Variants in XXYLT1 observed in about 807,000 individuals in gnomAD.
The protein encoded by XXYLT1 is xyloside xylosyltransferase 1.
In XXYLT1, 20 loss-of-function variants were observed where a neutral mutation model predicts 28.9. That is an observed-to-expected ratio of 0.69 (90% CI 0.49 to 1.00). XXYLT1 has a LOEUF of 1.00. Ranked by LOEUF, XXYLT1 falls within the 50% of genes least tolerant of loss-of-function variation. The probability of loss-of-function intolerance (pLI) is 0.00; values close to 1 mark genes in which losing one functional copy is unlikely to be tolerated. For missense variants in XXYLT1, 542 were observed against 560.1 expected (o/e 0.97, Z 0.33); for synonymous variants, 257 against 253.8 (o/e 1.01, Z -0.12).
chr3:195,205,249 G>A (rs1328778934), intron 2 of XXYLT1, among the ~76,000 whole-genome samples: 3 of 152,196 alleles, frequency 2.0e-5, no homozygotes, highest in Non-Finnish European at 2.9e-5. Context: ...CATACTAGCC[G>A]CAAACTGGGG....
At chr3:195,073,318 G>T (rs905634808) in intron 3 of XXYLT1, among the ~76,000 whole-genome samples, 2 of 152,338 alleles carry the variant, frequency 1.3e-5, no homozygotes, top group Non-Finnish European at 2.9e-5. Context: ...GCAGGGCAGT[G>T]AGTGTCCCAG....
At chr3:195,200,650 T>TCTAG (rs1179992430) in intron 2 of XXYLT1, among the ~76,000 whole-genome samples, 2 of 152,168 alleles carry the variant, frequency 1.3e-5, no homozygotes, top group African/African-American at 4.8e-5. Flanking sequence ...AGGGCAGGAA[T>TCTAG]CTAGGACTAT....
At chr3:195,258,176 C>G (rs1725548044) in intron 1 of XXYLT1, among the ~76,000 whole-genome samples, 1 of 152,192 alleles carries the variant, frequency 6.6e-6, no homozygotes, top group Admixed American at 6.5e-5. Flanking sequence ...CTGGCAAAAG[C>G]AGGGCCACCT....
intron 3 of XXYLT1, among the ~76,000 whole-genome samples, chr3:195,070,489 A>G (rs1343920184): frequency 1.3e-5 from 2 of 152,176 alleles, no homozygotes; most frequent in Admixed American, 6.5e-5. Context: ...GTATTTGCCC[A>G]AAGTCACACA....
chr3:195,149,899 G>T (rs62290356), intron 3 of XXYLT1, among the ~76,000 whole-genome samples: 1 of 152,126 alleles, frequency 6.6e-6, no homozygotes, highest in African/African-American at 2.4e-5. Context: ...AGCTAGCTGC[G>T]AGGAAGCCGG....
intron 3 of XXYLT1, among the ~76,000 whole-genome samples, chr3:195,118,855 C>T (rs9825174): frequency 0.52 from 78,427 of 152,068 alleles, 20,989 homozygotes; most frequent in Middle Eastern, 0.56. Context: ...ACTTTCGAAA[C>T]GTAGTTCCCT....
Position 195,270,977 on chromosome 3 carries a change from G to A in XXYLT1, c.82C>T (p.Leu28=). The part of the protein sequence containing the change: ...GAVRSHYCAL[L]LAAALAVCAF... ...CAGACGGCCAGCGCCGCGGCCAGCA[G>A]CAGGGCGCAGTAGTGGGAGCGCACA... The change falls in exon 1 of 4, where the codon CTG becomes TTG. Residue 28 remains leucine (L), a synonymous_variant. Coordinates refer to ENST00000310380, the MANE Select transcript of XXYLT1 (RefSeq NM_152531.5). 6.7e-7 allele frequency: 1 copy of A among 1,486,506 alleles called. No individual in the cohort carries two copies. Among genetic ancestry groups the A allele is most frequent in the Non-Finnish European group, 8.9e-7 (1 of 1,121,884 alleles). 92.1% of individuals were successfully genotyped at this position (1,486,506 alleles called of 1,614,324 possible).
At chr3:195,110,150 CTG>C (rs796630048) in intron 3 of XXYLT1, among the ~76,000 whole-genome samples, 5,199 of 22,614 alleles carry the variant, frequency 0.23, 1,601 homozygotes, top group African/African-American at 0.5. Context: ...TGTGTGGTGT[CTG>C]TGTGTTGTGT....
chr3:195,170,150 G>A (rs930169133), intron 2 of XXYLT1, among the ~76,000 whole-genome samples: 6 of 151,874 alleles, frequency 4.0e-5, no homozygotes, highest in African/African-American at 7.3e-5. Flanking sequence ...ACGCCTGGCC[G>A]TTAATGTATA....
intron 3 of XXYLT1, among the ~76,000 whole-genome samples, chr3:195,143,992 T>A (rs1719697886): frequency 6.7e-6 from 1 of 148,322 alleles, no homozygotes; most frequent in Non-Finnish European, 1.5e-5. Flanking sequence ...GCTTCCAGGT[T>A]CAAGCAATTC....
At chr3:195,093,990 A>T (rs73056512) in intron 3 of XXYLT1, 6,261 of 153,612 alleles carry the variant, frequency 0.041, 215 homozygotes, top group East Asian at 0.2. Context: ...AGTCAAGGGG[A>T]GAGTGTCAGC....
At chr3:195,088,045 G>A (rs563134472) in intron 3 of XXYLT1, among the ~76,000 whole-genome samples, 26 of 152,088 alleles carry the variant, frequency 1.7e-4, no homozygotes, top group Non-Finnish European at 2.5e-4. Context: ...ACCCCACGGA[G>A]TCTCGCTGAT....
At chr3:195,249,403 G>A (rs576093706) in intron 1 of XXYLT1, among the ~76,000 whole-genome samples, 9 of 152,260 alleles carry the variant, frequency 5.9e-5, no homozygotes, top group South Asian at 2.1e-4. Flanking sequence ...ATGGCCACGC[G>A]GCTCACACCA....
intron 3 of XXYLT1, among the ~76,000 whole-genome samples, chr3:195,089,514 C>T (rs928760097): frequency 1.1e-4 from 17 of 152,118 alleles, no homozygotes; most frequent in East Asian, 3.9e-4. Flanking sequence ...CCTAAAAGAG[C>T]TCCTGAAGGA....
chr3:195,172,133 A>AT (rs1347190889), intron 2 of XXYLT1, among the ~76,000 whole-genome samples: 2 of 152,158 alleles, frequency 1.3e-5, no homozygotes, highest in African/African-American at 4.8e-5. Flanking sequence ...TTCCTTTAAC[A>AT]TTAACAAAAT....
rs1263473320 is a variant in XXYLT1 at position 195,115,509 on chromosome 3, A to ACACCACCTGGAGTGGTTTCTGCTTC, written c.785+40915_785+40939dup. Among the ~76,000 whole-genome samples the ACACCACCTGGAGTGGTTTCTGCTTC allele has an allele frequency of 3.3e-5, 5 of 152,214 alleles. No homozygotes were observed. The East Asian group carries it at 9.6e-4, about 29-fold the overall frequency. ...TTCCAACAAGAAACTCCTTCTGCTTACACCACCTGGAGTGGTTTCTGCTTC... is the reference window on the plus strand; with the variant it reads ...TTCCAACAAGAAACTCCTTCTGCTTACACCACCTGGAGTGGTTTCTGCTTCCACCACCTGGAGTGGTTTCTGCTTC... On this transcript the variant is annotated intron_variant, in intron 3 of 3. Transcript: ENST00000310380. This position sits in a 1 kb window ranked among gnomAD's most constrained non-coding sequence, Gnocchi z 4.2.
chr3:195,096,293 C>T (rs958945590), intron 3 of XXYLT1, among the ~76,000 whole-genome samples: 5 of 152,142 alleles, frequency 3.3e-5, no homozygotes, highest in African/African-American at 1.2e-4. Context: ...ATCTGTGTGG[C>T]CAGACGGGGA....
chr3:195,191,037 A>G (rs1722398232), intron 2 of XXYLT1, among the ~76,000 whole-genome samples: 1 of 152,232 alleles, frequency 6.6e-6, no homozygotes, highest in Non-Finnish European at 1.5e-5. Flanking sequence ...ATGTAAACCC[A>G]GCCAAATCAA....
intron 1 of XXYLT1, among the ~76,000 whole-genome samples, chr3:195,246,766 G>A (rs1369741630): frequency 6.6e-6 from 1 of 152,160 alleles, no homozygotes; most frequent in Non-Finnish European, 1.5e-5. Context: ...TGGCCACATG[G>A]CCTTCCAGAC....
Sources: gnomAD v4.1 joint callset for allele counts (sites outside exome capture counted in the v4.1 genomes callset) on GRCh38, gnomAD v4.1.1 for gene constraint, Gnocchi (gnomAD v3.1) non-coding constraint, MANE v1.5 for transcripts, NCBI Gene and HGNC (gene_info 2026-07-23, HGNC 2026-07-21) for gene names.